Variants in DOCK10 observed in about 807,000 individuals in gnomAD.
The protein encoded by DOCK10 is dedicator of cytokinesis protein 10.
Under a neutral mutation model 280.1 loss-of-function variants are expected in DOCK10, and 145 were observed. The observed-to-expected ratio is 0.52, with a 90% CI of 0.45 to 0.59. DOCK10 has a LOEUF of 0.59. Among genes scored for constraint, DOCK10 ranks in the 20% least tolerant of loss-of-function variants. The probability of loss-of-function intolerance (pLI) is 0.00; values close to 1 mark genes in which losing one functional copy is unlikely to be tolerated. For synonymous variants in DOCK10, 915 were observed against 942.2 expected (o/e 0.97, Z 0.53); for missense variants, 2,368 against 2,651.7 (o/e 0.89, Z 2.35).
chr2:224,863,134 T>A (rs1241796712), intron 13 of DOCK10, among the ~76,000 whole-genome samples: 1 of 152,252 alleles, frequency 6.6e-6, no homozygotes. Flanking sequence ...TAAAGAGTCA[T>A]ATAGTAAACA....
chr2:224,921,092 TAAAAA>T (rs781152272), intron 2 of DOCK10, among the ~76,000 whole-genome samples: 1,369 of 59,404 alleles, frequency 0.023, 33 homozygotes, highest in Admixed American at 0.03. Flanking sequence ...CCGTCTCTAT[TAAAAA>T]AAAAAAAAAA....
At chr2:224,952,871 C>T (rs537294159) in intron 1 of DOCK10, among the ~76,000 whole-genome samples, 102 of 152,276 alleles carry the variant, frequency 6.7e-4, no homozygotes, top group Middle Eastern at 6.8e-3. Flanking sequence ...GGATTACAGG[C>T]GTGAGCCACC....
At chr2:224,944,488 A>G (rs1703281040) in intron 1 of DOCK10, among the ~76,000 whole-genome samples, 1 of 152,234 alleles carries the variant, frequency 6.6e-6, no homozygotes, top group Non-Finnish European at 1.5e-5. Flanking sequence ...ACTGTTCAGA[A>G]TGCACAGTAC....
At chr2:224,977,864 C>T (rs890858663) in intron 1 of DOCK10, among the ~76,000 whole-genome samples, 1 of 152,204 alleles carries the variant, frequency 6.6e-6, no homozygotes, top group Non-Finnish European at 1.5e-5. Flanking sequence ...GATTCAGAAC[C>T]TAGACCACAG....
chr2:224,887,880 C>G (rs529093342), intron 4 of DOCK10, among the ~76,000 whole-genome samples: 12 of 152,302 alleles, frequency 7.9e-5, no homozygotes, highest in African/African-American at 2.6e-4. Flanking sequence ...CATTAGCTCT[C>G]TAGACTTCAT....
chr2:225,025,157 G>A lies in DOCK10; in HGVS notation c.123+17095C>T, dbSNP rs138739469. ...TGCAAGCTCTCTGGGCTTTGGTGGA[G>A]ATCAGGGAAGGATTCTTGAGGAGAT... On this transcript the variant is annotated intron_variant, in intron 1 of 55. Transcript: ENST00000258390. Among the ~76,000 whole-genome samples, 403 of 152,346 alleles carry A rather than the reference G, an allele frequency of 2.6e-3. 3 individuals carry two copies. The highest frequency in any genetic ancestry group is 0.01 in the Middle Eastern group (3 of 294).
intron 5 of DOCK10, 85 bp downstream of exon 5, chr2:224,886,374 C>T: frequency 6.7e-7 from 1 of 1,484,080 alleles, no homozygotes. Context: ...TTACAACAAA[C>T]CGGTCAGAAC....
intron 31 of DOCK10, among the ~76,000 whole-genome samples, chr2:224,810,904 C>T (rs371599324): frequency 2.6e-5 from 4 of 152,022 alleles, no homozygotes; most frequent in South Asian, 4.2e-4. Flanking sequence ...TTTGGGTTGG[C>T]TCCAAGTCTT....
Position 225,042,121 on chromosome 2 carries a change from G to A in DOCK10, c.123+131C>T. ...CGGGGGAGCCCGCAGAGGCGGCGGG[G>A]GAGGGAGTGCGGAGGAGAGGACCCG... On this transcript the variant is annotated intron_variant, in intron 1 of 55. Transcript: ENST00000258390. The surrounding 1 kb of genome is among the most constrained non-coding windows in gnomAD (Gnocchi z 5.1). 2.8e-6 allele frequency: 3 copies of A among 1,080,752 alleles called. No individual in the cohort carries two copies. The highest frequency in any genetic ancestry group is 3.5e-6 in the Non-Finnish European group (3 of 857,198). 66.9% of individuals were successfully genotyped at this position (1,080,752 alleles called of 1,614,324 possible). A position where few individuals can be genotyped will look rare whatever the true frequency, so the allele number is the denominator to read the frequency against.
At chr2:224,876,805 G>A (rs760020158) in intron 7 of DOCK10, among the ~76,000 whole-genome samples, 1 of 152,094 alleles carries the variant, frequency 6.6e-6, no homozygotes, top group Non-Finnish European at 1.5e-5. Flanking sequence ...TCTGCCAGCT[G>A]TTCCTTCTTC....
At chr2:224,907,517 C>T (rs920459898) in intron 3 of DOCK10, among the ~76,000 whole-genome samples, 37 of 152,046 alleles carry the variant, frequency 2.4e-4, no homozygotes, top group Non-Finnish European at 1.8e-4. Flanking sequence ...GAAACCCTGT[C>T]TCTACTAAAA....
chr2:224,991,582 A>G (rs1287952143), intron 1 of DOCK10, among the ~76,000 whole-genome samples: 1 of 152,150 alleles, frequency 6.6e-6, no homozygotes, highest in Admixed American at 6.5e-5. Context: ...TAACTCAAAC[A>G]GAAGAGAGAG....
At chr2:225,027,490 G>A (rs776251747) in intron 1 of DOCK10, among the ~76,000 whole-genome samples, 3 of 152,106 alleles carry the variant, frequency 2.0e-5, no homozygotes, top group South Asian at 2.1e-4. Flanking sequence ...GTGGGGCCTC[G>A]TGGGAAGTGA....
intron 15 of DOCK10, among the ~76,000 whole-genome samples, chr2:224,856,312 T>A (rs938857425): frequency 6.6e-6 from 1 of 152,198 alleles, no homozygotes; most frequent in Non-Finnish European, 1.5e-5. Context: ...TTTATGTTTA[T>A]AACAGATCAC....
At chr2:224,829,451 A>C (rs1363677403) in intron 27 of DOCK10, among the ~76,000 whole-genome samples, 1 of 152,138 alleles carries the variant, frequency 6.6e-6, no homozygotes, top group African/African-American at 2.4e-5. Context: ...AAATCAAAAT[A>C]ATATAACTGT....
At position 224,886,886 on chromosome 2, in the gene DOCK10, A is replaced by ACCCCCCCC. The variant is rs879598680; in HGVS notation, c.417-356_417-355insGGGGGGGG. The stretch of plus-strand genomic sequence containing the variant: ...TCTCATGCTGCATGCAGCACCCCCA[A>ACCCCCCCC]CACCCCCCCAAGTAGTACCTGGGAT... On this transcript the variant is annotated intron_variant, in intron 4 of 55. Coordinates refer to ENST00000258390, the MANE Select transcript of DOCK10 (RefSeq NM_014689.3). Among the ~76,000 whole-genome samples, 71 of 135,158 alleles carry ACCCCCCCC rather than the reference A, an allele frequency of 5.3e-4. 1 individual carries two copies. The highest frequency in any genetic ancestry group is 2.0e-3 in the African/African-American group (66 of 32,846). The allele number at this position is 135,158 out of a possible 152,430, so 88.7% of individuals were successfully genotyped here. A position where few individuals can be genotyped will look rare whatever the true frequency, so the allele number is the denominator to read the frequency against.
At chr2:224,950,678 A>G (rs1024056484) in intron 1 of DOCK10, among the ~76,000 whole-genome samples, 7 of 152,232 alleles carry the variant, frequency 4.6e-5, no homozygotes, top group African/African-American at 1.7e-4. Context: ...TGCATCCAGA[A>G]GATTGTCAAA....
At chr2:224,845,125 T>C in intron 21 of DOCK10, 78 bp downstream of exon 21, 4 of 1,406,134 alleles carry the variant, frequency 2.8e-6, no homozygotes, top group Non-Finnish European at 3.9e-6. Flanking sequence ...TGATCTTAAG[T>C]AGCAGAGAAA....
At chr2:224,892,458 AGAG>A (rs1699752156) in intron 4 of DOCK10, among the ~76,000 whole-genome samples, 3 of 151,958 alleles carry the variant, frequency 2.0e-5, no homozygotes, top group East Asian at 1.9e-4. Flanking sequence ...AAAAAATCGA[AGAG>A]GAGAAAGAGG....
Sources: allele counts gnomAD v4.1 joint callset (sites outside exome capture counted in the v4.1 genomes callset), GRCh38; gene constraint gnomAD v4.1.1; non-coding constraint Gnocchi (gnomAD v3.1); transcripts MANE v1.5; gene names NCBI Gene and HGNC (gene_info 2026-07-23, HGNC 2026-07-21).